The following ANO6 variants were observed in gnomAD, a reference collection of about 807,000 sequenced individuals.
ANO6 encodes the protein anoctamin 6.
ANO6 carries 106 observed loss-of-function variants against 117.5 expected under a neutral mutation model. That is an observed-to-expected ratio of 0.90 (90% CI 0.77 to 1.06). The LOEUF is 1.06. Ranked by LOEUF, ANO6 falls within the 50% of genes least tolerant of loss-of-function variation. The probability of loss-of-function intolerance (pLI) is 0.00; values close to 1 mark genes in which losing one functional copy is unlikely to be tolerated. For synonymous variants in ANO6, 367 were observed against 385.1 expected, an observed-to-expected ratio of 0.95 and a Z score of 0.55; for missense variants, 955 against 1,121.1, an observed-to-expected ratio of 0.85 and a Z score of 2.12.
Position 45,330,234 on chromosome 12 carries a change from C to T in ANO6, c.151-1061C>T, listed in dbSNP as rs551016802. On this transcript the variant is annotated intron_variant, in intron 2 of 19. Transcript: ENST00000320560. ...AAGGGGAAAGGAATGATAAATATCA[C>T]GTTTCATATAAGTATCAAAAAATAT... 1.4e-4 allele frequency among the ~76,000 whole-genome samples: 21 copies of T among 152,092 alleles called. No homozygotes were observed. In the South Asian group the frequency reaches 1.7e-3, roughly 12 times the overall value.
At chr12:45,332,831 T>C (rs1362123747) in intron 3 of ANO6, among the ~76,000 whole-genome samples, 1 of 152,082 alleles carries the variant, frequency 6.6e-6, no homozygotes, top group Non-Finnish European at 1.5e-5. Flanking sequence ...GTACTCATGC[T>C]GCTTTACCAC....
intron 8 of ANO6, among the ~76,000 whole-genome samples, chr12:45,360,657 G>T (rs1941531659): frequency 6.6e-6 from 1 of 151,952 alleles, no homozygotes; most frequent in South Asian, 2.1e-4. Context: ...TGTGCTTTTG[G>T]TGTCATGTCT....
chr12:45,305,761 ATGT>A (rs1461332504), intron 2 of ANO6, among the ~76,000 whole-genome samples: 1 of 152,088 alleles, frequency 6.6e-6, no homozygotes, highest in Non-Finnish European at 1.5e-5. Context: ...GAGCAGATAA[ATGT>A]TGTTCTGCAT....
rs1162359248 is a variant in ANO6 at position 45,409,492 on chromosome 12, G to A, written c.2011+5G>A. 6.2e-7 allele frequency: 1 copy of A among 1,612,892 alleles called. No individual in the cohort carries two copies. Among genetic ancestry groups the A allele is most frequent in the Non-Finnish European group, 8.5e-7 (1 of 1,179,642 alleles). On this transcript the variant is annotated splice_donor_5th_base_variant and intron_variant, in intron 16 of 19. Transcript: ENST00000320560. ...TTTATGAATATCTTGAAATGAGTAA[G>A]TTGTTAGTGAAGTTTTTAGTGATAT...
At chr12:45,236,153 A>G (rs1011688054) in intron 1 of ANO6, among the ~76,000 whole-genome samples, 2 of 152,238 alleles carry the variant, frequency 1.3e-5, no homozygotes, top group East Asian at 1.9e-4. Context: ...TCAAAAAGTG[A>G]TAAATTCTGT....
At position 45,431,503 on chromosome 12, in the gene ANO6, A is replaced by T; in HGVS notation, c.*2192A>T. 1.0e-6 allele frequency: 1 copy of T among 985,432 alleles called. No individual in the cohort carries two copies. The highest frequency in any genetic ancestry group is 1.2e-6 in the Non-Finnish European group (1 of 829,944). 61.0% of individuals were successfully genotyped at this position (985,432 alleles called of 1,614,324 possible). A position where few individuals can be genotyped will look rare whatever the true frequency, so the allele number is the denominator to read the frequency against. ...AGCCCCAGCAGAGAAAATCCTCTTC[A>T]TAGATTAAATGTGCTGCTGTGGACA... On this transcript the variant is annotated 3_prime_UTR_variant, in exon 20 of 20. Coordinates refer to ENST00000320560, the MANE Select transcript of ANO6 (RefSeq NM_001025356.3).
intron 1 of ANO6, among the ~76,000 whole-genome samples, chr12:45,247,484 G>A (rs962245541): frequency 5.9e-5 from 9 of 152,202 alleles, no homozygotes; most frequent in African/African-American, 2.2e-4. Context: ...GATGGTTATG[G>A]CAGGATTGGA....
chr12:45,369,720 C>T (rs1436656601), intron 9 of ANO6, among the ~76,000 whole-genome samples: 8 of 152,100 alleles, frequency 5.3e-5, no homozygotes, highest in Non-Finnish European at 2.9e-5. Context: ...TTCATTTACA[C>T]ATCTTTCTTT....
rs1322663389 is a variant in ANO6, at chr12:45,357,415, G to C, written c.989G>C (p.Cys330Ser). 1.2e-6 allele frequency: 2 copies of C among 1,613,372 alleles called. No individual in the cohort carries two copies. Among genetic ancestry groups the C allele is most frequent in the Admixed American group, 3.3e-5 (2 of 60,008 alleles). ...FLYGYLNQDN[C>S]TWSKEVCHPD... ...TATGGATATCTTAATCAAGATAACT[G>C]TACATGGAGGTAACCTCTGTTTATT... Residue 330 changes from cysteine to serine, a missense_variant, in exon 8 of 20, where the codon TGT (cysteine) becomes TCT (serine). Cys to Ser is a moderately radical substitution (Grantham distance 112, BLOSUM62 -1). Coordinates refer to ENST00000320560, the MANE Select transcript of ANO6 (RefSeq NM_001025356.3).
chr12:45,403,599 A>G, intron 15 of ANO6, 63 bp downstream of exon 15: 1 of 1,400,206 alleles, frequency 7.1e-7, no homozygotes, highest in Non-Finnish European at 1.0e-6. Flanking sequence ...CATCCACACA[A>G]ATCATTTGCC....
At position 45,253,646 on chromosome 12, in the gene ANO6, G is replaced by T. The variant is rs549546679; in HGVS notation, c.70+37255G>T. On this transcript the variant is annotated intron_variant, in intron 1 of 19. Coordinates refer to ENST00000320560, the MANE Select transcript of ANO6 (RefSeq NM_001025356.3). ...TCCACCGATGTTACATGAATGTGCA[G>T]GTTACTTTGAGTCAGTTATTATTTT... is the stretch of plus-strand genomic sequence containing the variant. 3.9e-5 allele frequency among the ~76,000 whole-genome samples: 6 copies of T among 152,276 alleles called. No individual in the cohort carries two copies. The South Asian group carries it at 6.2e-4, about 16-fold the overall frequency.
chr12:45,227,525 G>A (rs1380208879), intron 1 of ANO6, among the ~76,000 whole-genome samples: 1 of 152,106 alleles, frequency 6.6e-6, no homozygotes, highest in Admixed American at 6.5e-5. Context: ...GGGAGGATGC[G>A]AGGTGGTATG....
At chr12:45,439,950 A>T in exon 20 of ANO6, 1 of 1,461,240 alleles carries the variant, frequency 6.8e-7, no homozygotes. Context: ...TTTATTCAAT[A>T]ATTCATTCAA....
intron 7 of ANO6, among the ~76,000 whole-genome samples, chr12:45,352,539 C>T (rs58282976): frequency 0.048 from 6,593 of 136,232 alleles, 201 homozygotes; most frequent in East Asian, 0.14. Flanking sequence ...CCAGACTGAG[C>T]AGCATAGTGA....
chr12:45,244,886 G>A (rs1293173934), intron 1 of ANO6, among the ~76,000 whole-genome samples: 4 of 152,162 alleles, frequency 2.6e-5, no homozygotes, highest in Non-Finnish European at 5.9e-5. Context: ...GTCATAGCAG[G>A]GATGGAGAGC....
At chr12:45,439,021 G>A (rs1448748561) in intron 19 of ANO6, among the ~76,000 whole-genome samples, 1 of 152,200 alleles carries the variant, frequency 6.6e-6, no homozygotes, top group Non-Finnish European at 1.5e-5. Flanking sequence ...ATCCAGGAAA[G>A]TAGCATAATG....
chr12:45,291,357 A>C (rs1262805823), intron 1 of ANO6, among the ~76,000 whole-genome samples: 1 of 150,712 alleles, frequency 6.6e-6, no homozygotes, highest in Non-Finnish European at 1.5e-5. Flanking sequence ...AAAAAAAAAA[A>C]AAAAAAAAAA....
intron 2 of ANO6, among the ~76,000 whole-genome samples, chr12:45,319,415 C>A (rs538771019): frequency 6.6e-6 from 1 of 152,216 alleles, no homozygotes; most frequent in East Asian, 1.9e-4. Flanking sequence ...TGCTGGATTA[C>A]GTTTATTGAT....
At chr12:45,396,586 A>G (rs2137607546) in intron 12 of ANO6, among the ~76,000 whole-genome samples, 1 of 152,360 alleles carries the variant, frequency 6.6e-6, no homozygotes, top group East Asian at 1.9e-4. Context: ...TTCAAACTAT[A>G]CTACAAGGCT....
Sources: gnomAD v4.1 joint callset for allele counts (sites outside exome capture counted in the v4.1 genomes callset) on GRCh38, gnomAD v4.1.1 for gene constraint, MANE v1.5 for transcripts, NCBI Gene and HGNC (gene_info 2026-07-23, HGNC 2026-07-21) for gene names.